RAP1B: variants seen among roughly 807,000 people sequenced by gnomAD.
RAP1B encodes the protein RAP1B, member of RAS oncogene family.
Under a neutral mutation model 27.5 loss-of-function variants are expected in RAP1B, and 1 was observed. That is an observed-to-expected ratio of 0.04 (90% confidence interval 0.01 to 0.17). The LOEUF (loss-of-function observed/expected upper bound fraction) is 0.17. Ranked by LOEUF, RAP1B falls within the 10% of genes least tolerant of loss-of-function variation. The pLI is 1.00. For synonymous variants in RAP1B, 75 were observed against 73.1 expected (o/e 1.03, Z -0.13); for missense variants, 84 against 214.8 (o/e 0.39, Z 3.81).
chr12:68,625,729 G>A (rs1464258981), intron 1 of RAP1B, among the ~76,000 whole-genome samples: 5 of 152,046 alleles, frequency 3.3e-5, no homozygotes, highest in Admixed American at 3.3e-4. Flanking sequence ...TACCATCCTG[G>A]CCAGCATGGT....
chr12:68,642,455 T>C (rs1226557640), intron 1 of RAP1B: 34 of 774,326 alleles, frequency 4.4e-5, no homozygotes, highest in Non-Finnish European at 6.8e-5. Context: ...TGTATAATTA[T>C]TATTTTTAAT....
chr12:68,612,543 T>C (rs758255790), intron 1 of RAP1B, among the ~76,000 whole-genome samples: 3 of 152,228 alleles, frequency 2.0e-5, no homozygotes, highest in Non-Finnish European at 4.4e-5. Context: ...AGGACAGTAG[T>C]CTATCCGTAA....
rs1874933283 is a variant in RAP1B at position 68,668,303 on chromosome 12, GAGGAGCC to G, written c.*9057_*9063del. ...CACTACCTACCTCCATACTGTATCA[GAGGAGCC>G]AGTTGCACAGTGTTGATCTCCCTAA... On this transcript the variant is annotated 3_prime_UTR_variant, in exon 8 of 8. Transcript: ENST00000250559. 6.6e-6 allele frequency: 1 copy of G among 152,208 alleles called. No homozygotes were observed. Among genetic ancestry groups the G allele is most frequent in the Non-Finnish European group, 1.5e-5 (1 of 68,034 alleles). 9.4% of individuals were successfully genotyped at this position (152,208 alleles called of 1,614,324 possible). A position where few individuals can be genotyped will look rare whatever the true frequency, so the allele number is the denominator to read the frequency against.
rs935541669 is a variant in RAP1B, at chr12:68,664,945, A to G, written c.*5696A>G. On this transcript the variant is annotated 3_prime_UTR_variant, in exon 8 of 8. Transcript: ENST00000250559. Reference sequence around the variant, plus strand: ...CATCTGGTTGACTATTAACAGGTCAATGTCAGATTTCCTGAGCAAATCAAC... The same window carrying G: ...CATCTGGTTGACTATTAACAGGTCAGTGTCAGATTTCCTGAGCAAATCAAC... The G allele has an allele frequency of 1.3e-5, 2 of 152,220 alleles. No homozygotes were observed. Among genetic ancestry groups the G allele is most frequent in the African/African-American group, 2.4e-5 (1 of 41,456 alleles). 9.4% of individuals were successfully genotyped at this position (152,220 alleles called of 1,614,324 possible).
rs1171976947 is a variant in RAP1B at position 68,662,490 on chromosome 12, GC to G, written c.*3243del. On this transcript the variant is annotated 3_prime_UTR_variant, in exon 8 of 8. Coordinates refer to ENST00000250559, the MANE Select transcript of RAP1B (RefSeq NM_001010942.3). ...AATTCCATTTATAAAATGAAGTTTT[GC>G]CGTTTTTTTTTTTAAATCATTCCGT... 1 of 151,412 alleles carries G rather than the reference GC, an allele frequency of 6.6e-6. No individual in the cohort carries two copies. The highest frequency in any genetic ancestry group is 1.9e-4 in the East Asian group (1 of 5,186). The allele number at this position is 151,412 out of a possible 1,614,324, so 9.4% of individuals were successfully genotyped here.
At chr12:68,634,461 G>GA (rs1872491019) in intron 1 of RAP1B, among the ~76,000 whole-genome samples, 1 of 152,036 alleles carries the variant, frequency 6.6e-6, no homozygotes, top group Admixed American at 6.6e-5. Context: ...AGATGACAGG[G>GA]AAAAAAGGAC....
At position 68,618,086 on chromosome 12, in the gene RAP1B, C is replaced by CTTTTTTTTTTTT. The variant is rs36224976; in HGVS notation, c.-27+7057_-27+7068dup. On this transcript the variant is annotated intron_variant, in intron 1 of 7. Transcript: ENST00000250559. The stretch of plus-strand genomic sequence containing the variant: ...CTGTATTAGTTCTTGTTCTATAAAG[C>CTTTTTTTTTTTT]TTTTTTTTTTTTTTTTTTTTTTTTT... Among the ~76,000 whole-genome samples, 7 of 60,784 alleles carry CTTTTTTTTTTTT rather than the reference C, an allele frequency of 1.2e-4. 1 individual carries two copies. Among genetic ancestry groups the CTTTTTTTTTTTT allele is most frequent in the South Asian group, 2.1e-3 (2 of 936 alleles). 39.9% of individuals were successfully genotyped at this position (60,784 alleles called of 152,430 possible).
intron 1 of RAP1B, chr12:68,642,592 C>G (rs1873097201): frequency 2.6e-5 from 27 of 1,040,220 alleles, no homozygotes; most frequent in Non-Finnish European, 4.1e-5. Context: ...AAGCTTCGTT[C>G]AAGTCCTCAG....
At chr12:68,615,784 T>TAC (rs887908550) in intron 1 of RAP1B, among the ~76,000 whole-genome samples, 1 of 152,096 alleles carries the variant, frequency 6.6e-6, no homozygotes, top group African/African-American at 2.4e-5. Flanking sequence ...TGTATATATA[T>TAC]ACACATACAT....
In RAP1B at chr12:68,663,692, A is replaced by G. The variant is rs1368534565; in HGVS notation, c.*4443A>G. On this transcript the variant is annotated 3_prime_UTR_variant, in exon 8 of 8. Coordinates refer to ENST00000250559, the MANE Select transcript of RAP1B (RefSeq NM_001010942.3). ...CCTGTTGGTGGCCTGTAGGTTACTG[A>G]CCTTAGGAATTACAGGCTTTATCCA... is the stretch of plus-strand genomic sequence containing the variant. 6.6e-6 allele frequency: 1 copy of G among 152,198 alleles called. No homozygotes were observed. Among genetic ancestry groups the G allele is most frequent in the Non-Finnish European group, 1.5e-5 (1 of 68,038 alleles). 9.4% of individuals were successfully genotyped at this position (152,198 alleles called of 1,614,324 possible). A position where few individuals can be genotyped will look rare whatever the true frequency, so the allele number is the denominator to read the frequency against.
intron 1 of RAP1B, among the ~76,000 whole-genome samples, chr12:68,638,836 T>C (rs1252811836): frequency 1.3e-5 from 2 of 152,016 alleles, no homozygotes; most frequent in South Asian, 4.1e-4. Context: ...GATTTTTGTA[T>C]TTTTTAGTAT....
At chr12:68,645,377 A>G (rs905312175) in intron 1 of RAP1B, among the ~76,000 whole-genome samples, 2 of 152,252 alleles carry the variant, frequency 1.3e-5, no homozygotes, top group South Asian at 2.1e-4. Flanking sequence ...AAAGAGAACA[A>G]TTAGTCTCAA....
intron 1 of RAP1B, among the ~76,000 whole-genome samples, chr12:68,644,361 C>T (rs555876915): frequency 1.3e-5 from 2 of 151,968 alleles, no homozygotes; most frequent in Admixed American, 6.6e-5. Flanking sequence ...GAGGCCAAGG[C>T]GGGCGGATCA....
intron 1 of RAP1B, chr12:68,627,032 G>A: frequency 6.3e-7 from 1 of 1,588,634 alleles, no homozygotes; most frequent in Non-Finnish European, 8.6e-7. Context: ...TCTTCTGGCG[G>A]CCAGAAAACT....
intron 1 of RAP1B, among the ~76,000 whole-genome samples, chr12:68,624,253 A>G (rs1303009855): frequency 1.3e-5 from 2 of 152,176 alleles, no homozygotes; most frequent in African/African-American, 4.8e-5. Context: ...CTATAATTGC[A>G]GAGTCCAGTT....
chr12:68,642,657 A>G (rs1475968721), intron 1 of RAP1B: 22 of 1,133,132 alleles, frequency 1.9e-5, no homozygotes, highest in Middle Eastern at 2.9e-4. Context: ...TGTTTCTCAT[A>G]TTCTACAATC....
At chr12:68,625,920 CAAAAA>C (rs770271886) in intron 1 of RAP1B, among the ~76,000 whole-genome samples, 1 of 117,254 alleles carries the variant, frequency 8.5e-6, no homozygotes, top group Non-Finnish European at 1.9e-5. Context: ...GACTCTGTCT[CAAAAA>C]AAAAAAAAAA....
At chr12:68,613,053 G>T (rs1870718655) in intron 1 of RAP1B, among the ~76,000 whole-genome samples, 1 of 152,090 alleles carries the variant, frequency 6.6e-6, no homozygotes, top group African/African-American at 2.4e-5. Context: ...TGTTGTATGG[G>T]GCATGAAAAT....
Position 68,651,999 on chromosome 12 carries a change from T to C in RAP1B, c.131T>C (p.Val44Ala). ...PTIEDSYRKQ[V>A]EVDAQQCMLE... ...GTATTTTAATTTTTCTACCAGCAAG[T>C]TGAAGTAGATGCACAACAGTGTATG... Residue 44 changes from valine to alanine, a missense_variant, in exon 4 of 8, where the codon GTT (valine) becomes GCT (alanine). Val to Ala is a moderately conservative substitution (Grantham distance 64). Transcript: ENST00000250559. 1.2e-6 allele frequency: 2 copies of C among 1,612,366 alleles called. No homozygotes were observed. Among genetic ancestry groups the C allele is most frequent in the Non-Finnish European group, 1.7e-6 (2 of 1,178,738 alleles).
Sources: gnomAD v4.1 joint callset for allele counts (sites outside exome capture counted in the v4.1 genomes callset) on GRCh38, gnomAD v4.1.1 for gene constraint, MANE v1.5 for transcripts, NCBI Gene and HGNC (gene_info 2026-07-23, HGNC 2026-07-21) for gene names.